Variants in NME7 observed in about 807,000 individuals in gnomAD.
The protein encoded by NME7 is NME/NM23 family member 7.
A neutral mutation model predicts 49.1 loss-of-function variants in NME7; 41 were observed. The ratio of observed to expected loss-of-function variants is 0.83; its 90% confidence interval spans 0.65 to 1.08. The LOEUF (loss-of-function observed/expected upper bound fraction) is 1.08, where lower values mean the gene tolerates loss of function less well. Among genes scored for constraint, NME7 ranks in the 50% least tolerant of loss-of-function variants. The pLI is 0.00. For missense variants in NME7, 423 were observed against 463.4 expected (o/e 0.91, Z 0.80); for synonymous variants, 139 against 150.6 (o/e 0.92, Z 0.56).
intron 1 of NME7, among the ~76,000 whole-genome samples, chr1:169,346,376 T>C (rs1218322693): frequency 6.6e-6 from 1 of 152,316 alleles, no homozygotes; most frequent in East Asian, 1.9e-4. Context: ...AGCCACACTG[T>C]TTCTTGAACA....
intron 7 of NME7, among the ~76,000 whole-genome samples, chr1:169,278,581 C>G (rs1649853457): frequency 6.6e-6 from 1 of 152,192 alleles, no homozygotes; most frequent in Admixed American, 6.5e-5. Context: ...TCTAGTTATA[C>G]ATTCGTCGAA....
intron 5 of NME7, chr1:169,301,952 A>T (rs1428813055): frequency 6.6e-6 from 1 of 152,160 alleles, no homozygotes; most frequent in African/African-American, 2.4e-5. Context: ...AAAACTACCT[A>T]TTGGGTACTA....
In NME7 at chr1:169,170,720, G is replaced by C. The variant is rs148773095; in HGVS notation, c.991-1166C>G. Among the ~76,000 whole-genome samples the C allele has an allele frequency of 5.5e-3, 831 of 152,234 alleles. 8 individuals are homozygous for C. Among genetic ancestry groups the C allele is most frequent in the African/African-American group, 0.019 (784 of 41,526 alleles). ...ATTTGTGGTCAGGAGTTCGAGACCA[G>C]CCTGGCTAACATGGTGAAGCCCTGT... On this transcript the variant is annotated intron_variant, in intron 10 of 11. Coordinates refer to ENST00000367811, the MANE Select transcript of NME7 (RefSeq NM_013330.5).
intron 10 of NME7, among the ~76,000 whole-genome samples, chr1:169,212,206 T>C (rs1294967865): frequency 1.3e-5 from 2 of 152,152 alleles, no homozygotes; most frequent in African/African-American, 2.4e-5. Flanking sequence ...AATGAAAATA[T>C]TTATTTTAAA....
intron 1 of NME7, among the ~76,000 whole-genome samples, chr1:169,353,064 A>G (rs1485038166): frequency 7.2e-6 from 1 of 139,056 alleles, no homozygotes; most frequent in Non-Finnish European, 1.7e-5. Context: ...CCTAAAATTT[A>G]TAAAAGACTC....
At chr1:169,229,975 T>A (rs1466900038) in intron 10 of NME7, among the ~76,000 whole-genome samples, 1 of 150,962 alleles carries the variant, frequency 6.6e-6, no homozygotes, top group Non-Finnish European at 1.5e-5. Flanking sequence ...AAAAAAAAAA[T>A]TAAAAATAAT....
At chr1:169,215,014 G>A (rs536351291) in intron 10 of NME7, among the ~76,000 whole-genome samples, 3 of 152,236 alleles carry the variant, frequency 2.0e-5, no homozygotes, top group South Asian at 2.1e-4. Flanking sequence ...GGTGGGCCCC[G>A]AATTCTTGTC....
At chr1:169,282,404 C>A (rs1281337613) in intron 7 of NME7, among the ~76,000 whole-genome samples, 1 of 151,890 alleles carries the variant, frequency 6.6e-6, no homozygotes, top group African/African-American at 2.4e-5. Flanking sequence ...AACCAGTTCA[C>A]GGATTCATTG....
chr1:169,297,166 GT>G (rs1278743870), intron 6 of NME7, among the ~76,000 whole-genome samples: 2 of 151,940 alleles, frequency 1.3e-5, no homozygotes, highest in Non-Finnish European at 2.9e-5. Flanking sequence ...TAGAAACAGG[GT>G]TTTACCATAT....
At position 169,230,792 on chromosome 1, in the gene NME7, G is replaced by A. The variant is rs377259893; in HGVS notation, c.916C>T (p.Pro306Ser). ...TGTTGAATCTCCATTGCTACACAAGGGCCAGAATACATTTCTGTCACCATG... is the reference window on the plus strand; with the variant it reads ...TGTTGAATCTCCATTGCTACACAAGAGCCAGAATACATTTCTGTCACCATG... ...HDMVTEMYSG[P>S]CVAMEIQQNN... Residue 306 changes from proline to serine, a missense_variant, in exon 10 of 12, where the codon CCT (proline) becomes TCT (serine). Pro to Ser is a moderately conservative substitution (Grantham distance 74). Transcript: ENST00000367811. 166 of 1,602,066 alleles carry A rather than the reference G, an allele frequency of 1.0e-4. No individual in the cohort carries two copies. Among genetic ancestry groups the A allele is most frequent in the Non-Finnish European group, 1.4e-4 (161 of 1,175,018 alleles).
At position 169,149,560 on chromosome 1, in the gene NME7, T is replaced by C. The variant is rs1447917676; in HGVS notation, c.1099-16743A>G. On this transcript the variant is annotated intron_variant, in intron 11 of 11. Coordinates refer to ENST00000367811, the MANE Select transcript of NME7 (RefSeq NM_013330.5). ...TTTTCTTATACAAACATACCTATGATAAAGTTGAATTTATAAATTATGCAC... is the reference window on the plus strand; with the variant it reads ...TTTTCTTATACAAACATACCTATGACAAAGTTGAATTTATAAATTATGCAC... Among the ~76,000 whole-genome samples, 3 of 152,158 alleles carry C rather than the reference T, an allele frequency of 2.0e-5. 1 individual carries two copies. The highest frequency in any genetic ancestry group is 2.0e-4 in the Admixed American group (3 of 15,278).
chr1:169,258,126 C>T (rs1649029656), intron 7 of NME7, among the ~76,000 whole-genome samples: 1 of 130,462 alleles, frequency 7.7e-6, no homozygotes, highest in Admixed American at 7.6e-5. Context: ...CTCCTTGAGT[C>T]CAGGAGTTTG....
chr1:169,169,384 A>T, intron 11 of NME7, 63 bp downstream of exon 11: 1 of 1,434,480 alleles, frequency 7.0e-7, no homozygotes, highest in Non-Finnish European at 9.7e-7. Flanking sequence ...CTTACACATC[A>T]GAACTCCTGA....
chr1:169,339,731 TCTAAGCCTGGTCAGCTGAC>T (rs981616082), intron 1 of NME7, among the ~76,000 whole-genome samples: 1 of 152,210 alleles, frequency 6.6e-6, no homozygotes, highest in African/African-American at 2.4e-5. Flanking sequence ...TCCATCCTGT[TCTAAGCCTGGTCAGCTGAC>T]CTCCATGAAC....
chr1:169,298,828 C>A, intron 5 of NME7, 65 bp from the exon 6 acceptor site: 1 of 1,249,774 alleles, frequency 8.0e-7, no homozygotes, highest in Non-Finnish European at 1.1e-6. Context: ...GTCTTAACGA[C>A]AGGATATATT....
At chr1:169,160,229 C>T (rs139966121) in intron 11 of NME7, among the ~76,000 whole-genome samples, 141 of 152,280 alleles carry the variant, frequency 9.3e-4, no homozygotes, top group African/African-American at 3.2e-3. Flanking sequence ...CACATCTTTC[C>T]TTGTTTATAA....
At chr1:169,169,859 C>T (rs935249635) in intron 10 of NME7, among the ~76,000 whole-genome samples, 3 of 152,066 alleles carry the variant, frequency 2.0e-5, no homozygotes, top group African/African-American at 7.2e-5. Flanking sequence ...TTAAAATGAA[C>T]CAATTTGATG....
At chr1:169,172,323 CGTGTGTGTGTGT>C (rs200830717) in intron 10 of NME7, among the ~76,000 whole-genome samples, 5 of 127,792 alleles carry the variant, frequency 3.9e-5, no homozygotes, top group East Asian at 2.8e-4. Flanking sequence ...CAAAAACATA[CGTGTGTGTGTGT>C]GTGTGTGTGT....
intron 11 of NME7, 138 bp from the exon 12 acceptor site, chr1:169,132,955 A>G: frequency 1.8e-6 from 1 of 559,116 alleles, no homozygotes; most frequent in Non-Finnish European, 3.1e-6. Flanking sequence ...TCAATCAATC[A>G]GAGGCAGAGA....
Sources: allele counts gnomAD v4.1 joint callset (sites outside exome capture counted in the v4.1 genomes callset), GRCh38; gene constraint gnomAD v4.1.1; transcripts MANE v1.5; gene names NCBI Gene and HGNC (gene_info 2026-07-23, HGNC 2026-07-21).